Variants in SPINK6 observed in about 807,000 individuals in gnomAD.
SPINK6 encodes the protein serine peptidase inhibitor Kazal type 6, also known as serine protease inhibitor Kazal-type 6.
A neutral mutation model predicts 11.7 loss-of-function variants in SPINK6; 13 were observed. That is an observed-to-expected ratio of 1.11 (90% CI 0.72 to 1.76). The LOEUF (loss-of-function observed/expected upper bound fraction) is 1.76, where lower values mean the gene tolerates loss of function less well. Among genes scored for constraint, SPINK6 ranks in the 40% most tolerant of loss-of-function variants. The pLI, the probability that SPINK6 is intolerant of heterozygous loss-of-function variation, is 0.00. For missense variants in SPINK6, 98 were observed against 93.7 expected (o/e 1.05, Z -0.19); for synonymous variants, 21 against 31.9 (o/e 0.66, Z 1.15).
At chr5:148,212,653 T>C (rs1397011713) in intron 2 of SPINK6, among the ~76,000 whole-genome samples, 1 of 103,048 alleles carries the variant, frequency 9.7e-6, no homozygotes, top group African/African-American at 4.5e-5. Flanking sequence ...TATAAATATA[T>C]ATATTTATAT....
chr5:148,214,498 G>C (rs913535322), intron 3 of SPINK6, among the ~76,000 whole-genome samples: 3 of 152,148 alleles, frequency 2.0e-5, no homozygotes, highest in Non-Finnish European at 2.9e-5. Flanking sequence ...GCATATTACT[G>C]AGAGGGCTTG....
chr5:148,203,603 G>T (rs1196319148), intron 1 of SPINK6, among the ~76,000 whole-genome samples: 1 of 152,062 alleles, frequency 6.6e-6, no homozygotes, highest in Non-Finnish European at 1.5e-5. Flanking sequence ...TTGCTTTCCA[G>T]AACAAAGAAA....
intron 2 of SPINK6, among the ~76,000 whole-genome samples, chr5:148,209,969 T>TGTATGTATACATACAC (rs1755550498): frequency 1.6e-5 from 2 of 126,608 alleles, no homozygotes; most frequent in African/African-American, 2.9e-5. Flanking sequence ...TATACATACA[T>TGTATGTATACATACAC]ACGTACGTAT....
chr5:148,210,878 C>T (rs1252452320), intron 2 of SPINK6, among the ~76,000 whole-genome samples: 1 of 151,918 alleles, frequency 6.6e-6, no homozygotes, highest in East Asian at 1.9e-4. Flanking sequence ...GAGGGGAAGC[C>T]AAGCTTGGTA....
intron 1 of SPINK6, among the ~76,000 whole-genome samples, chr5:148,204,738 A>G (rs1273097856): frequency 6.6e-6 from 1 of 152,152 alleles, no homozygotes; most frequent in African/African-American, 2.4e-5. Context: ...CATTATTGCC[A>G]TAATAAAGTT....
chr5:148,214,106 T>C (rs1336716997), intron 3 of SPINK6, 81 bp downstream of exon 3: 12 of 807,982 alleles, frequency 1.5e-5, no homozygotes, highest in East Asian at 2.7e-5. Context: ...CGAGGTATTA[T>C]AGAAAACACC....
chr5:148,214,059 A>C (rs1297502496), intron 3 of SPINK6, 34 bp downstream of exon 3: 1 of 1,323,502 alleles, frequency 7.6e-7, no homozygotes, highest in Admixed American at 1.8e-5. Context: ...TGACCCTTGC[A>C]AACACAAACT....
intron 2 of SPINK6, among the ~76,000 whole-genome samples, chr5:148,207,121 C>T (rs1755510426): frequency 6.6e-6 from 1 of 151,618 alleles, no homozygotes; most frequent in South Asian, 2.1e-4. Context: ...AACTGTATAC[C>T]TTCAAGTTGT....
At chr5:148,206,682 AT>A (rs534397473) in intron 2 of SPINK6, among the ~76,000 whole-genome samples, 54 of 151,798 alleles carry the variant, frequency 3.6e-4, no homozygotes, top group East Asian at 5.8e-4. Flanking sequence ...TCATCATTGG[AT>A]TTTTTTTTCC....
chr5:148,203,008 G>A, upstream of SPINK6: 6 of 1,048,410 alleles, frequency 5.7e-6, no homozygotes, highest in South Asian at 3.0e-5. Context: ...CATGTGGTCT[G>A]AATGTATTTT....
chr5:148,214,805 A>G, intron 3 of SPINK6, 100 bp from the exon 4 acceptor site: 5 of 887,842 alleles, frequency 5.6e-6, no homozygotes, highest in Non-Finnish European at 8.7e-6. Flanking sequence ...ATAGAATCAA[A>G]TAATTAAATG....
intron 3 of SPINK6, 83 bp downstream of exon 3, chr5:148,214,108 G>A: frequency 1.3e-6 from 1 of 781,028 alleles, no homozygotes; most frequent in Non-Finnish European, 2.1e-6. Context: ...AGGTATTATA[G>A]AAAACACCCA....
At chr5:148,213,884 C>G (rs1393068200) in intron 2 of SPINK6, 26 bp from the exon 3 acceptor site, 2 of 1,213,418 alleles carry the variant, frequency 1.6e-6, no homozygotes, top group East Asian at 2.3e-5. Flanking sequence ...GCACTGATGT[C>G]AATGTCACTC....
intron 1 of SPINK6, among the ~76,000 whole-genome samples, chr5:148,203,636 A>G (rs1029338034): frequency 6.6e-6 from 1 of 152,194 alleles, no homozygotes; most frequent in Non-Finnish European, 1.5e-5. Context: ...CTTAGTTATT[A>G]TTACAAAGAC....
intron 2 of SPINK6, among the ~76,000 whole-genome samples, chr5:148,210,162 GCATATGTATTTCTGCATGCA>G (rs1561732479): frequency 0.018 from 250 of 13,784 alleles, 17 homozygotes; most frequent in East Asian, 0.17. Flanking sequence ...ATTTCTGCAT[GCATATGTATTTCTGCATGCA>G]TATGTATTTC....
At chr5:148,209,600 A>G (rs1446021985) in intron 2 of SPINK6, among the ~76,000 whole-genome samples, 1 of 152,148 alleles carries the variant, frequency 6.6e-6, no homozygotes, top group East Asian at 1.9e-4. Flanking sequence ...TCTAAAATTA[A>G]AGGAGGAAGT....
rs1190467937 is a variant in SPINK6, at chr5:148,209,975, C to CATATGCAT, written c.81+3917_81+3918insATATGCAT. Among the ~76,000 whole-genome samples, 2,515 of 146,910 alleles carry CATATGCAT rather than the reference C, an allele frequency of 0.017. 227 individuals carry two copies. In the East Asian group the frequency reaches 0.21, roughly 12 times the overall value. ...ATATATATGTATACATACATACGTACGTATGTATGTATACATATACACGTA... is the reference window on the plus strand; with the variant it reads ...ATATATATGTATACATACATACGTACATATGCATGTATGTATGTATACATATACACGTA... On this transcript the variant is annotated intron_variant, in intron 2 of 3. Transcript: ENST00000325630.
In SPINK6 at chr5:148,203,270, A is replaced by T. The variant is rs1352500496; in HGVS notation, c.58+116A>T. 10 of 703,190 alleles carry T rather than the reference A, an allele frequency of 1.4e-5. 1 individual carries two copies. Among genetic ancestry groups the T allele is most frequent in the Non-Finnish European group, 1.4e-5 (6 of 420,688 alleles). The allele number at this position is 703,190 out of a possible 1,614,324, so 43.6% of individuals were successfully genotyped here. On this transcript the variant is annotated intron_variant, in intron 1 of 3. Transcript: ENST00000325630. ...TGATGTAAAAGACCAATTCTGAGAG[A>T]TTATCATAATGATGATAATGATTGT...
intron 1 of SPINK6, among the ~76,000 whole-genome samples, chr5:148,204,422 T>C (rs1003432507): frequency 1.3e-5 from 2 of 150,960 alleles, no homozygotes; most frequent in African/African-American, 2.4e-5. Context: ...CAAAGGTGAA[T>C]TGATCTTTAA....
Sources: allele counts gnomAD v4.1 joint callset (sites outside exome capture counted in the v4.1 genomes callset), GRCh38; gene constraint gnomAD v4.1.1; transcripts MANE v1.5; gene names NCBI Gene and HGNC (gene_info 2026-07-23, HGNC 2026-07-21).